The following DENND4C variants were observed in gnomAD, a reference collection of about 807,000 sequenced individuals.
DENND4C encodes the protein DENN domain containing 4C, also known as DENN domain-containing protein 4C.
Under a neutral mutation model 203.0 loss-of-function variants are expected in DENND4C, and 108 were observed. The observed-to-expected ratio is 0.53, with a 90% CI of 0.46 to 0.62. The LOEUF is 0.62. Ranked by LOEUF, DENND4C falls within the 20% of genes least tolerant of loss-of-function variation. DENND4C has a pLI of 0.00. For missense variants in DENND4C, 2,481 were observed against 2,301.2 expected (o/e 1.08, Z -1.60); for synonymous variants, 871 against 792.4 (o/e 1.10, Z -1.67).
chr9:19,253,598 G>T (rs1257819624), intron 1 of DENND4C, among the ~76,000 whole-genome samples: 1 of 152,094 alleles, frequency 6.6e-6, no homozygotes, highest in Non-Finnish European at 1.5e-5. Context: ...TTTCTTTGTG[G>T]TTTAACAAAG....
Position 19,306,808 on chromosome 9 carries a change from C to T in DENND4C, c.1487+1281C>T, listed in dbSNP as rs181636634. On this transcript the variant is annotated intron_variant, in intron 10 of 32. Transcript: ENST00000434457. ...ATTTATTTATTTTGAGACAGAGTCT[C>T]ACTGTGTTGCCCAGGCAACAGAGTT... 9.1e-4 allele frequency among the ~76,000 whole-genome samples: 138 copies of T among 151,154 alleles called. 1 individual carries two copies. The highest frequency in any genetic ancestry group is 3.3e-3 in the African/African-American group (136 of 41,136).
Position 19,291,009 on chromosome 9 carries a change from C to T in DENND4C, c.801+133C>T, listed in dbSNP as rs574274623. The T allele has an allele frequency of 1.2e-4, 103 of 850,742 alleles. No homozygotes were observed. The African/African-American group carries it at 1.6e-3, about 13-fold the overall frequency. 52.7% of individuals were successfully genotyped at this position (850,742 alleles called of 1,614,324 possible). ...TTTGGTTTAAATTTACACTGTCATC[C>T]CCAAGGTGAGAAATCAACATGAAAA... On this transcript the variant is annotated intron_variant, in intron 5 of 32. Coordinates refer to ENST00000434457, the MANE Select transcript of DENND4C (RefSeq NM_001330640.2).
Position 19,298,096 on chromosome 9 carries a change from C to G in DENND4C, c.1081C>G (p.Pro361Ala), listed in dbSNP as rs1325281512. ...HFMQNIPFPS[P>A]QRPRILVQLS... is the part of the protein sequence containing the mutation. ...TATGCAAAACATCCCTTTTCCTTCA[C>G]CACAAAGACCGAGAATCCTTGTCCA... Residue 361 changes from proline to alanine, a missense_variant, in exon 7 of 33, where the codon CCA becomes GCA. By Grantham distance (27) the Pro-to-Ala change is conservative. Coordinates refer to ENST00000434457, the MANE Select transcript of DENND4C (RefSeq NM_001330640.2). 2 of 1,610,114 alleles carry G rather than the reference C, an allele frequency of 1.2e-6. No individual in the cohort carries two copies. Among genetic ancestry groups the G allele is most frequent in the Non-Finnish European group, 1.7e-6 (2 of 1,178,132 alleles).
chr9:19,284,297 A>AT (rs1834766968), intron 2 of DENND4C, among the ~76,000 whole-genome samples: 2 of 152,094 alleles, frequency 1.3e-5, no homozygotes, highest in Non-Finnish European at 1.5e-5. Context: ...GATCTTCCTC[A>AT]TTTTTTGTGT....
At chr9:19,309,583 G>T (rs1323410116) in intron 10 of DENND4C, among the ~76,000 whole-genome samples, 3 of 151,442 alleles carry the variant, frequency 2.0e-5, no homozygotes, top group Non-Finnish European at 4.4e-5. Context: ...TTTTTTTTTG[G>T]CAATGTCCAT....
At chr9:19,257,080 A>G (rs1296376068) in intron 1 of DENND4C, among the ~76,000 whole-genome samples, 1 of 152,024 alleles carries the variant, frequency 6.6e-6, no homozygotes, top group Non-Finnish European at 1.5e-5. Context: ...AAAAAAAAAA[A>G]AGGAAATATA....
chr9:19,237,477 G>A (rs1293371905), intron 1 of DENND4C, among the ~76,000 whole-genome samples: 1 of 151,926 alleles, frequency 6.6e-6, no homozygotes, highest in Non-Finnish European at 1.5e-5. Context: ...TCAGTCTCCC[G>A]AGTAGCTGGG....
At position 19,262,115 on chromosome 9, in the gene DENND4C, C is replaced by G. The variant is rs1169659146; in HGVS notation, c.-17-14043C>G. 2.2e-4 allele frequency among the ~76,000 whole-genome samples: 11 copies of G among 49,880 alleles called. No homozygotes were observed. In the East Asian group the frequency reaches 6.6e-3, roughly 30 times the overall value. 32.7% of individuals were successfully genotyped at this position (49,880 alleles called of 152,430 possible). A position where few individuals can be genotyped will look rare whatever the true frequency, so the allele number is the denominator to read the frequency against. ...TTTTTTTTTTTTTTTTGAGACAAGT[C>G]TTGTTCTGTCGCCCAGGCTGGAGTG... On this transcript the variant is annotated intron_variant, in intron 1 of 32. Transcript: ENST00000434457.
Position 19,346,005 on chromosome 9 carries a change from G to GT in DENND4C, c.3237dup (p.Asp1080Ter). On this transcript the variant is annotated frameshift_variant, in exon 23 of 33. Coordinates refer to ENST00000434457, the MANE Select transcript of DENND4C (RefSeq NM_001330640.2). LOFTEE classifies it high-confidence loss of function. ...GAAGCTACTAATCTCAAGAAGAATG[G>GT]TGATAGAGGAGAAAAAAGACAAAAG... The GT allele has an allele frequency of 6.2e-7, 1 of 1,614,116 alleles. No individual in the cohort carries two copies. Among genetic ancestry groups the GT allele is most frequent in the South Asian group, 1.1e-5 (1 of 91,084 alleles).
intron 30 of DENND4C, among the ~76,000 whole-genome samples, chr9:19,366,802 G>C (rs1164526620): frequency 6.6e-6 from 1 of 152,022 alleles, no homozygotes; most frequent in Non-Finnish European, 1.5e-5. Flanking sequence ...AGTTAGGCAA[G>C]GCCTTCAAAA....
rs1478928580 is a variant in DENND4C at position 19,245,928 on chromosome 9, G to C, written c.-18+15095G>C. Among the ~76,000 whole-genome samples the C allele has an allele frequency of 2.7e-5, 4 of 148,130 alleles. No homozygotes were observed. The East Asian group carries it at 7.9e-4, about 29-fold the overall frequency. ...CTTTTCTACTAACTCACATACTCCA[G>C]TACCCTATTTTGATATTTCTTGGAA... On this transcript the variant is annotated intron_variant, in intron 1 of 32. Coordinates refer to ENST00000434457, the MANE Select transcript of DENND4C (RefSeq NM_001330640.2).
intron 10 of DENND4C, among the ~76,000 whole-genome samples, chr9:19,315,093 G>C (rs965585384): frequency 6.7e-6 from 1 of 149,684 alleles, no homozygotes; most frequent in African/African-American, 2.5e-5. Context: ...CTGGAATGCG[G>C]AGGTTGCAGT....
At chr9:19,308,600 C>G (rs1188579522) in intron 10 of DENND4C, among the ~76,000 whole-genome samples, 1 of 152,226 alleles carries the variant, frequency 6.6e-6, no homozygotes, top group Non-Finnish European at 1.5e-5. Flanking sequence ...ATAGCTTCTC[C>G]CACATTGTGA....
chr9:19,294,065 G>A (rs557971277), intron 5 of DENND4C, among the ~76,000 whole-genome samples: 3 of 152,188 alleles, frequency 2.0e-5, no homozygotes, highest in East Asian at 3.9e-4. Context: ...TGAGATGCCT[G>A]TATGACATCC....
chr9:19,307,409 A>AG, intron 10 of DENND4C, among the ~76,000 whole-genome samples: 1 of 151,464 alleles, frequency 6.6e-6, no homozygotes, highest in South Asian at 2.1e-4. Flanking sequence ...AAAAAAAAAA[A>AG]AAAAGAAGAA....
chr9:19,330,050 T>C (rs1818719824), intron 16 of DENND4C, among the ~76,000 whole-genome samples: 1 of 152,224 alleles, frequency 6.6e-6, no homozygotes. Context: ...TATCCTGAGG[T>C]ATTTCCTAAT....
chr9:19,293,912 T>A (rs1012287730), intron 5 of DENND4C, among the ~76,000 whole-genome samples: 1 of 152,206 alleles, frequency 6.6e-6, no homozygotes, highest in Non-Finnish European at 1.5e-5. Flanking sequence ...GCTTCAGTAG[T>A]TGCTTTGATA....
chr9:19,300,144 A>T, intron 8 of DENND4C, 43 bp from the exon 9 acceptor site: 1 of 1,546,052 alleles, frequency 6.5e-7, no homozygotes, highest in South Asian at 1.2e-5. Context: ...ATATTTCAGC[A>T]AAATAGTTCA....
intron 10 of DENND4C, among the ~76,000 whole-genome samples, chr9:19,307,157 G>A (rs12003038): frequency 6.6e-6 from 1 of 151,920 alleles, no homozygotes; most frequent in African/African-American, 2.4e-5. Flanking sequence ...CAGTACTTTC[G>A]GAGGCTGAGG....
Sources: allele counts gnomAD v4.1 joint callset (sites outside exome capture counted in the v4.1 genomes callset), GRCh38; gene constraint gnomAD v4.1.1; transcripts MANE v1.5; gene names NCBI Gene and HGNC (gene_info 2026-07-23, HGNC 2026-07-21).